Variants in PPP1R12B observed in about 807,000 individuals in gnomAD.
PPP1R12B encodes protein phosphatase 1 regulatory subunit 12B, also known as myosin phosphatase target subunit 2.
In PPP1R12B, 76 loss-of-function variants were observed where a neutral mutation model predicts 126.1. That is an observed-to-expected ratio of 0.60 (90% CI 0.50 to 0.73). PPP1R12B has a LOEUF of 0.73. Ranked by LOEUF, PPP1R12B falls within the 30% of genes least tolerant of loss-of-function variation. The pLI is 0.00. For missense variants in PPP1R12B, 1,052 were observed against 1,205.1 expected (o/e 0.87, Z 1.88); for synonymous variants, 356 against 434.7 (o/e 0.82, Z 2.25).
chr1:202,379,788 G>A (rs1005553846), intron 1 of PPP1R12B, among the ~76,000 whole-genome samples: 1 of 152,044 alleles, frequency 6.6e-6, no homozygotes, highest in Non-Finnish European at 1.5e-5. Context: ...TTCGAGCTTG[G>A]TTATACATCA....
chr1:202,364,092 C>A (rs1206388415), intron 1 of PPP1R12B, among the ~76,000 whole-genome samples: 1 of 151,860 alleles, frequency 6.6e-6, no homozygotes. Flanking sequence ...AATATGAGGC[C>A]TAGAAAAAAG....
rs956232039 is a variant in PPP1R12B at position 202,565,078 on chromosome 1, C to T, written c.2757+531C>T. Among the ~76,000 whole-genome samples the T allele has an allele frequency of 6.6e-6, 1 of 152,176 alleles. No individual in the cohort carries two copies. Among genetic ancestry groups the T allele is most frequent in the Non-Finnish European group, 1.5e-5 (1 of 68,030 alleles). On this transcript the variant is annotated intron_variant, in intron 21 of 23. Transcript: ENST00000608999. This position sits in a 1 kb window ranked among gnomAD's most constrained non-coding sequence, Gnocchi z 4.3. ...AGATTCTGTAGCATATGTTATCTCC[C>T]CAAGCCACCACTCTTTTTCAGCCTA...
At chr1:202,365,962 C>A (rs937577205) in intron 1 of PPP1R12B, among the ~76,000 whole-genome samples, 5 of 152,080 alleles carry the variant, frequency 3.3e-5, no homozygotes, top group Non-Finnish European at 7.3e-5. Flanking sequence ...TGCACTCCAG[C>A]CTGGGTGACC....
At chr1:202,414,811 A>G (rs1373247660) in intron 1 of PPP1R12B, among the ~76,000 whole-genome samples, 5 of 152,208 alleles carry the variant, frequency 3.3e-5, no homozygotes, top group Non-Finnish European at 4.4e-5. Flanking sequence ...TTTTCGAGAC[A>G]TGGTCTTGCC....
At chr1:202,433,454 C>T (rs1670430574) in intron 8 of PPP1R12B, among the ~76,000 whole-genome samples, 1 of 152,300 alleles carries the variant, frequency 6.6e-6, no homozygotes, top group South Asian at 2.1e-4. Context: ...ATGACCACCT[C>T]CCTCACTCTA....
In PPP1R12B at chr1:202,349,015, G is replaced by C; in HGVS notation, c.164G>C (p.Arg55Pro). ...ACCAGGCGCGGGAGCCCCAGGGTCC[G>C]CTTCGAGGACGGTGCTGTCTTTCTG... Reference protein sequence around the residue: ...PLTRRGSPRVRFEDGAVFLAA... With the variant: ...PLTRRGSPRVPFEDGAVFLAA... The change falls in exon 1 of 24, where the codon CGC becomes CCC. Residue 55 changes from arginine to proline, a missense_variant. Arg to Pro is a moderately radical substitution (Grantham distance 103). Coordinates refer to ENST00000608999, the MANE Select transcript of PPP1R12B (RefSeq NM_002481.4). The C allele has an allele frequency of 6.2e-7, 1 of 1,610,444 alleles. No homozygotes were observed. Among genetic ancestry groups the C allele is most frequent in the Non-Finnish European group, 8.5e-7 (1 of 1,178,664 alleles).
chr1:202,572,856 C>T lies in PPP1R12B; in HGVS notation c.2862+3659C>T, dbSNP rs562026351. Among the ~76,000 whole-genome samples, 147 of 152,236 alleles carry T rather than the reference C, an allele frequency of 9.7e-4. 2 individuals are homozygous for T. The highest frequency in any genetic ancestry group is 3.5e-3 in the African/African-American group (144 of 41,542). On this transcript the variant is annotated intron_variant, in intron 23 of 23. Transcript: ENST00000608999. ...TTGCCCATCCTGCGCTGGGCCCTGC[C>T]CCTTCTCCTCTCCTCCTTGCCTTGC...
chr1:202,417,190 G>A (rs778421397), intron 2 of PPP1R12B: 1 of 964,164 alleles, frequency 1.0e-6, no homozygotes, highest in Non-Finnish European at 1.2e-6. Flanking sequence ...CTGTTCCACT[G>A]TCTGGGTTCA....
intron 18 of PPP1R12B, among the ~76,000 whole-genome samples, chr1:202,504,544 C>T (rs1680607645): frequency 6.6e-6 from 1 of 152,174 alleles, no homozygotes; most frequent in African/African-American, 2.4e-5. Context: ...TAAAGGTCAC[C>T]TAGTTAACAC....
intron 13 of PPP1R12B, among the ~76,000 whole-genome samples, chr1:202,470,782 G>A (rs538495111): frequency 6.6e-6 from 1 of 151,920 alleles, no homozygotes; most frequent in Admixed American, 6.6e-5. Flanking sequence ...GCCTGTGCCT[G>A]TAATCCCAGC....
intron 15 of PPP1R12B, 103 bp from the exon 16 acceptor site, chr1:202,495,190 C>CA: frequency 1.0e-6 from 1 of 958,178 alleles, no homozygotes. Flanking sequence ...ATCATCTACT[C>CA]ATAAGCCCCT....
intron 1 of PPP1R12B, among the ~76,000 whole-genome samples, chr1:202,385,298 C>T (rs1662945677): frequency 1.3e-5 from 2 of 152,150 alleles, no homozygotes; most frequent in African/African-American, 4.8e-5. Flanking sequence ...TTTACCATCC[C>T]TCTCAGTAGT....
chr1:202,410,417 G>T (rs1452135356), intron 1 of PPP1R12B, among the ~76,000 whole-genome samples: 1 of 152,240 alleles, frequency 6.6e-6, no homozygotes, highest in East Asian at 1.9e-4. Context: ...GTTTTATGGG[G>T]AAGAGAGTTG....
intron 18 of PPP1R12B, among the ~76,000 whole-genome samples, chr1:202,521,652 A>G (rs1244464426): frequency 6.6e-6 from 1 of 152,178 alleles, no homozygotes; most frequent in African/African-American, 2.4e-5. Flanking sequence ...AACTGAGAAA[A>G]TCTTTCAGAA....
chr1:202,536,896 AG>A (rs1197561086), intron 18 of PPP1R12B, among the ~76,000 whole-genome samples: 2 of 152,202 alleles, frequency 1.3e-5, no homozygotes. Context: ...TCCCATTGGA[AG>A]GTCTTCCTGC....
chr1:202,563,989 G>A (rs563743424), intron 20 of PPP1R12B, among the ~76,000 whole-genome samples: 73 of 152,260 alleles, frequency 4.8e-4, no homozygotes, highest in Non-Finnish European at 7.1e-4. Flanking sequence ...GAGCCTGGGA[G>A]TTCAAGGCTG....
Position 202,471,995 on chromosome 1 carries a change from A to C in PPP1R12B, c.1851-16538A>C. On this transcript the variant is annotated intron_variant, in intron 13 of 23. Coordinates refer to ENST00000608999, the MANE Select transcript of PPP1R12B (RefSeq NM_002481.4). ...CATGGCTAAAGACCGTGGTGATTTTATAGCATCCTGGGCATTTCACATCCA... is the reference window on the plus strand; with the variant it reads ...CATGGCTAAAGACCGTGGTGATTTTCTAGCATCCTGGGCATTTCACATCCA... The C allele has an allele frequency of 1.9e-6, 3 of 1,596,116 alleles. No individual in the cohort carries two copies. In the Admixed American group the frequency reaches 5.0e-5, roughly 27 times the overall value.
At chr1:202,429,425 T>C (rs1669935264) in intron 6 of PPP1R12B, among the ~76,000 whole-genome samples, 1 of 152,248 alleles carries the variant, frequency 6.6e-6, no homozygotes, top group Non-Finnish European at 1.5e-5. Context: ...CAGTGATTCA[T>C]ACTTACTCCA....
At chr1:202,487,424 C>T (rs1419515475) in intron 13 of PPP1R12B, among the ~76,000 whole-genome samples, 2 of 152,040 alleles carry the variant, frequency 1.3e-5, no homozygotes, top group Non-Finnish European at 2.9e-5. Flanking sequence ...TTACTATCAT[C>T]ACTGCTTTTC....
Sources: gnomAD v4.1 joint callset for allele counts (sites outside exome capture counted in the v4.1 genomes callset) on GRCh38, gnomAD v4.1.1 for gene constraint, Gnocchi (gnomAD v3.1) non-coding constraint, MANE v1.5 for transcripts, NCBI Gene and HGNC (gene_info 2026-07-23, HGNC 2026-07-21) for gene names.